MARF1: variants seen among roughly 807,000 people sequenced by gnomAD.
The protein encoded by MARF1 is meiosis regulator and mRNA stability factor 1.
A neutral mutation model predicts 168.2 loss-of-function variants in MARF1; 24 were observed. That is an observed-to-expected ratio of 0.14 (90% confidence interval 0.10 to 0.20). The LOEUF is 0.20. Among genes scored for constraint, MARF1 ranks in the 10% least tolerant of loss-of-function variants. The probability of loss-of-function intolerance (pLI) is 1.00; values close to 1 mark genes in which losing one functional copy is unlikely to be tolerated. For synonymous variants in MARF1, 868 were observed against 822.4 expected (o/e 1.06, Z -0.95); for missense variants, 1,744 against 2,143.6 (o/e 0.81, Z 3.68).
At chr16:15,615,768 T>C in intron 16 of MARF1, 62 bp downstream of exon 16, 1 of 1,249,866 alleles carries the variant, frequency 8.0e-7, no homozygotes, top group Non-Finnish European at 1.0e-6. Context: ...TAAAAGCCAA[T>C]AGCCTCCTCT....
chr16:15,623,292 T>TTA, intron 10 of MARF1, 169 bp from the exon 11 acceptor site: 1 of 513,818 alleles, frequency 1.9e-6, no homozygotes, highest in East Asian at 3.3e-5. Context: ...TTTTTTTTTT[T>TTA]TTTTTGAGAC....
intron 16 of MARF1, among the ~76,000 whole-genome samples, chr16:15,615,161 G>C (rs1421473848): frequency 6.6e-6 from 1 of 152,174 alleles, no homozygotes; most frequent in East Asian, 1.9e-4. Flanking sequence ...ATCTGTAAAT[G>C]TGAAATTTGA....
chr16:15,633,175 C>CCA (rs140240605), intron 5 of MARF1, among the ~76,000 whole-genome samples: 25,582 of 136,780 alleles, frequency 0.19, 2,705 homozygotes, highest in Middle Eastern at 0.32. Context: ...AAAAAAAACA[C>CCA]CACACACACA....
chr16:15,595,546 G>A lies in MARF1; in HGVS notation c.*1147C>T, dbSNP rs1425780139. ...ACACCTCAGGCACCTAGAGAGGAAG[G>A]CCATTCCACACCAGACGCCACAAGA... On this transcript the variant is annotated 3_prime_UTR_variant, in exon 27 of 27. Transcript: ENST00000396368. 1 of 152,618 alleles carries A rather than the reference G, an allele frequency of 6.6e-6. No homozygotes were observed. Among genetic ancestry groups the A allele is most frequent in the Non-Finnish European group, 1.5e-5 (1 of 68,040 alleles). The allele number at this position is 152,618 out of a possible 1,614,324, so 9.5% of individuals were successfully genotyped here.
At chr16:15,639,021 G>C in intron 2 of MARF1, 69 bp downstream of exon 2, 2 of 1,501,116 alleles carry the variant, frequency 1.3e-6, no homozygotes, top group African/African-American at 1.4e-5. Flanking sequence ...CTGTATCCCA[G>C]ACCAAATGGA....
chr16:15,640,887 T>A (rs915743070), intron 1 of MARF1, among the ~76,000 whole-genome samples: 4 of 152,112 alleles, frequency 2.6e-5, no homozygotes, highest in African/African-American at 9.7e-5. Context: ...TACGTGGCTC[T>A]TTTGTCAGCC....
Position 15,631,441 on chromosome 16 carries a change from G to T in MARF1, c.1291C>A (p.Gln431Lys). The T allele has an allele frequency of 6.2e-7, 1 of 1,613,390 alleles. No individual in the cohort carries two copies. The highest frequency in any genetic ancestry group is 8.5e-7 in the Non-Finnish European group (1 of 1,179,478). The stretch of plus-strand genomic sequence containing the variant: ...GTATTTGCAAATCTGCGGAGACTCT[G>T]CCGCAGTTTATCATCAGCGGCATTC... ...AKNAADDKLRQSLRRFANTHT... is the reference protein window; with the variant it reads ...AKNAADDKLRKSLRRFANTHT... The change falls in exon 6 of 27, where the codon CAG (glutamine) becomes AAG (lysine). Residue 431 changes from glutamine (Q) to lysine (K), a missense_variant. Gln to Lys is a moderately conservative substitution (Grantham distance 53). This residue lies in a region of MARF1 where 217 missense variants were observed against 372.4 expected (regional missense o/e 0.58). Coordinates refer to ENST00000396368, the MANE Select transcript of MARF1 (RefSeq NM_014647.4).
At chr16:15,618,027 C>T (rs1485340345) in intron 13 of MARF1, among the ~76,000 whole-genome samples, 2 of 152,236 alleles carry the variant, frequency 1.3e-5, no homozygotes, top group African/African-American at 4.8e-5. Context: ...CTTAAAGGCA[C>T]TGGCCCTGGA....
At position 15,617,415 on chromosome 16, in the gene MARF1, G is replaced by A. The variant is rs754919438; in HGVS notation, c.2841C>T (p.Pro947=). Residue 947 remains proline, a synonymous_variant, in exon 14 of 27, where the codon CCC becomes CCT. Transcript: ENST00000396368. The part of the protein sequence containing the change: ...LLPSSQARQS[P]LGSSQSHDGS... ...CGTCGTGTGACTGGGAAGACCCCAA[G>A]GGGCTCTGGCGGGCCTGACTGCTGG... 11 of 1,613,988 alleles carry A rather than the reference G, an allele frequency of 6.8e-6. No individual in the cohort carries two copies. In the East Asian group the frequency reaches 2.0e-4, roughly 29 times the overall value.
At chr16:15,618,707 G>A (rs544690646) in intron 13 of MARF1, among the ~76,000 whole-genome samples, 5 of 151,984 alleles carry the variant, frequency 3.3e-5, no homozygotes, top group South Asian at 2.1e-4. Context: ...TGTCCCAATC[G>A]TCTTAAAGGC....
chr16:15,625,275 A>T, intron 8 of MARF1, 97 bp downstream of exon 8: 3 of 1,549,522 alleles, frequency 1.9e-6, no homozygotes, highest in Non-Finnish European at 2.6e-6. Flanking sequence ...AAACACTGAA[A>T]TCAAAAAGGG....
intron 7 of MARF1, among the ~76,000 whole-genome samples, chr16:15,627,510 C>T (rs1286852176): frequency 2.0e-5 from 3 of 152,058 alleles, no homozygotes; most frequent in South Asian, 2.1e-4. Flanking sequence ...CCCAGCTACT[C>T]GGGAGGCTGA....
Position 15,633,827 on chromosome 16 carries a change from T to G in MARF1, c.1023A>C (p.Ala341=). The part of the protein sequence containing the change: ...AASKFGSPEV[A]VAGQVLENLP... ...AGTTTTCTAGCACCTGTCCAGCTAC[T>G]GCAACTTCTGGTGACCCTTAAGAAA... The change falls in exon 5 of 27, where the codon GCA becomes GCC. Residue 341 remains alanine, a synonymous_variant. Coordinates refer to ENST00000396368, the MANE Select transcript of MARF1 (RefSeq NM_014647.4). The G allele has an allele frequency of 6.2e-7, 1 of 1,612,018 alleles. No homozygotes were observed. The highest frequency in any genetic ancestry group is 1.1e-5 in the South Asian group (1 of 90,644).
At position 15,639,007 on chromosome 16, in the gene MARF1, G is replaced by C. The variant is rs557083137; in HGVS notation, c.144+83C>G. 2.9e-6 allele frequency: 4 copies of C among 1,387,544 alleles called. No homozygotes were observed. In the Admixed American group the frequency reaches 9.6e-5, roughly 33 times the overall value. The allele number at this position is 1,387,544 out of a possible 1,614,324, so 86.0% of individuals were successfully genotyped here. On this transcript the variant is annotated intron_variant, in intron 2 of 26. Transcript: ENST00000396368. ...AAATGTGGCACAGACTCTAGGATGA[G>C]AGACTGTATCCCAGACCAAATGGAC...
chr16:15,641,471 A>C (rs536111095), intron 1 of MARF1, among the ~76,000 whole-genome samples: 2 of 152,366 alleles, frequency 1.3e-5, no homozygotes, highest in African/African-American at 4.8e-5. Context: ...TTCAAAGCCA[A>C]ATCCTGAAAG....
At chr16:15,642,319 C>T (rs1193955594) in intron 1 of MARF1, 1 of 151,362 alleles carries the variant, frequency 6.6e-6, no homozygotes, top group Non-Finnish European at 1.5e-5. Flanking sequence ...ACTATGTTTT[C>T]TTATCCACTA....
intron 1 of MARF1, among the ~76,000 whole-genome samples, chr16:15,642,247 C>T (rs1208829896): frequency 6.6e-6 from 1 of 152,146 alleles, no homozygotes; most frequent in East Asian, 1.9e-4. Context: ...TCCAAAACGG[C>T]CTTTTTAGCT....
rs2033674109 is a variant in MARF1, at chr16:15,612,677, G to C, written c.3354C>G (p.Val1118=). The change falls in exon 17 of 27, where the codon GTC becomes GTG. Residue 1118 remains valine (V), a synonymous_variant. Transcript: ENST00000396368. ...IDLLKSQPSC[V]IPISHFIPSY... ...ATGGGATGAAATGACTGATGGGTAT[G>C]ACACAAGATGGCTGGCTTTTCAGCA... 4 of 1,614,188 alleles carry C rather than the reference G, an allele frequency of 2.5e-6. No individual in the cohort carries two copies. In the South Asian group the frequency reaches 4.4e-5, roughly 18 times the overall value.
chr16:15,629,343 A>T (rs768712295), intron 7 of MARF1, among the ~76,000 whole-genome samples: 1 of 152,160 alleles, frequency 6.6e-6, no homozygotes, highest in Non-Finnish European at 1.5e-5. Flanking sequence ...TGTCCATAGC[A>T]TGAGTTTCAA....
Sources: allele counts gnomAD v4.1 joint callset (sites outside exome capture counted in the v4.1 genomes callset), GRCh38; gene constraint gnomAD v4.1.1; regional missense constraint gnomAD v4.1.1; transcripts MANE v1.5; gene names NCBI Gene and HGNC (gene_info 2026-07-23, HGNC 2026-07-21).